Variants in C8orf76 observed in about 807,000 individuals in gnomAD.
The protein encoded by C8orf76 is chromosome 8 open reading frame 76, also known as uncharacterized protein C8orf76.
A neutral mutation model predicts 38.1 loss-of-function variants in C8orf76; 46 were observed. The ratio of observed to expected loss-of-function variants is 1.21; its 90% CI spans 0.95 to 1.54. The LOEUF is 1.54. C8orf76 is among the 40% of genes most tolerant of loss of function. The probability of loss-of-function intolerance (pLI) is 0.00; values close to 1 mark genes in which losing one functional copy is unlikely to be tolerated. For missense variants in C8orf76, 461 were observed against 441.6 expected (o/e 1.04, Z -0.39); for synonymous variants, 166 against 167.5 (o/e 0.99, Z 0.07).
At chr8:123,227,948 AACTTGCTTTCTGCCCTCTGGATAT>A (rs1339913599) in intron 4 of C8orf76, among the ~76,000 whole-genome samples, 1 of 152,056 alleles carries the variant, frequency 6.6e-6, no homozygotes, top group African/African-American at 2.4e-5. Flanking sequence ...CCTTTGATGT[AACTTGCTTTCTGCCCTCTGGATAT>A]ACTCCAGGCA....
intron 5 of C8orf76, among the ~76,000 whole-genome samples, chr8:123,220,657 T>C (rs1412242818): frequency 6.6e-6 from 1 of 152,230 alleles, no homozygotes; most frequent in Admixed American, 6.5e-5. Context: ...GAGCATATTC[T>C]GTTGGTGAGA....
At chr8:123,226,405 G>A (rs1273679208) in intron 5 of C8orf76, 95 bp downstream of exon 5, 1 of 1,548,192 alleles carries the variant, frequency 6.5e-7, no homozygotes, top group African/African-American at 1.4e-5. Context: ...TCCTTCAGTA[G>A]ATTAAATTTG....
chr8:123,230,690 C>T (rs1227619896), intron 4 of C8orf76, among the ~76,000 whole-genome samples: 7 of 148,656 alleles, frequency 4.7e-5, no homozygotes, highest in South Asian at 4.2e-4. Flanking sequence ...CTTGCCCTGT[C>T]GCCAGGCTGG....
intron 5 of C8orf76, among the ~76,000 whole-genome samples, chr8:123,220,927 G>A (rs1185685853): frequency 4.6e-5 from 7 of 152,152 alleles, no homozygotes; most frequent in African/African-American, 1.7e-4. Flanking sequence ...GACTGACCTT[G>A]GGTAATGACA....
intron 3 of C8orf76, chr8:123,236,908 C>A: frequency 8.3e-7 from 1 of 1,203,514 alleles, no homozygotes; most frequent in South Asian, 1.2e-5. Flanking sequence ...AGATCGAGCC[C>A]AGCAACGCCA....
At position 123,226,604 on chromosome 8, in the gene C8orf76, G is replaced by T; in HGVS notation, c.844C>A (p.Gln282Lys). 1 of 1,606,664 alleles carries T rather than the reference G, an allele frequency of 6.2e-7. No homozygotes were observed. Reference sequence around the variant, plus strand: ...TTCCTCTCCAAAGCAAACGATGTTTGCTGAGGTTGGGTAAACTGAAGCAGA... The same window carrying T: ...TTCCTCTCCAAAGCAAACGATGTTTTCTGAGGTTGGGTAAACTGAAGCAGA... ...RLLLQFTQPQ[Q>K]TSFALERNLR... Residue 282 changes from glutamine to lysine, a missense_variant, in exon 5 of 6, where the codon CAA becomes AAA. Transcript: ENST00000276704.
chr8:123,237,905 A>ATG lies in C8orf76; in HGVS notation c.249_250insCA (p.Leu84HisfsTer9). On this transcript the variant is annotated frameshift_variant, in exon 3 of 6. Coordinates refer to ENST00000276704, the MANE Select transcript of C8orf76 (RefSeq NM_032847.3). LOFTEE classifies it high-confidence loss of function. ...TTCATGGCAAAATTGGTTGATGACA[A>ATG]TTTTTCAGAGATACTGGAATACTCC... 2 of 1,613,888 alleles carry ATG rather than the reference A, an allele frequency of 1.2e-6. No homozygotes were observed. The highest frequency in any genetic ancestry group is 1.7e-6 in the Non-Finnish European group (2 of 1,179,944).
chr8:123,222,268 G>A (rs1223032620), intron 5 of C8orf76, among the ~76,000 whole-genome samples: 3 of 152,164 alleles, frequency 2.0e-5, no homozygotes, highest in East Asian at 1.9e-4. Context: ...ACGGGCGTGC[G>A]CCACCGCGCC....
In C8orf76 at chr8:123,231,372, C is replaced by A; in HGVS notation, c.743G>T (p.Cys248Phe). 1 of 1,614,150 alleles carries A rather than the reference C, an allele frequency of 6.2e-7. No individual in the cohort carries two copies. Among genetic ancestry groups the A allele is most frequent in the African/African-American group, 1.3e-5 (1 of 75,036 alleles). Residue 248 changes from cysteine to phenylalanine, a missense_variant, in exon 4 of 6, where the codon TGT becomes TTT. Transcript: ENST00000276704. ...CACTGTTTCTCTCTTTTCTGCCATA[C>A]AGTTTTGGATATTTGTCAGAGCTTT... ...NEKALTNIQN[C>F]MAEKRETVLI...
At chr8:123,230,014 CA>C (rs1003105414) in intron 4 of C8orf76, among the ~76,000 whole-genome samples, 22 of 148,096 alleles carry the variant, frequency 1.5e-4, no homozygotes, top group Admixed American at 4.1e-4. Context: ...AACTCCGTCT[CA>C]AAAAAAAAAT....
rs550859578 is a variant in C8orf76, at chr8:123,226,158, T to C, written c.948+342A>G. 1.1e-5 allele frequency: 12 copies of C among 1,086,344 alleles called. No individual in the cohort carries two copies. The South Asian group carries it at 2.3e-4, about 21-fold the overall frequency. 67.3% of individuals were successfully genotyped at this position (1,086,344 alleles called of 1,614,324 possible). On this transcript the variant is annotated intron_variant, in intron 5 of 5. Transcript: ENST00000276704. ...CAACTTCACAAGCTGTTATGATGAA[T>C]GGAGGAAAAAAAATAGAACTGCTAC...
intron 1 of C8orf76, among the ~76,000 whole-genome samples, chr8:123,240,583 A>G (rs1370992517): frequency 6.6e-6 from 1 of 152,170 alleles, no homozygotes; most frequent in Admixed American, 6.5e-5. Context: ...AAAAACTGTT[A>G]GGCACTGCCA....
At chr8:123,226,355 T>C (rs1356299872) in intron 5 of C8orf76, 145 bp downstream of exon 5, 37 of 1,487,828 alleles carry the variant, frequency 2.5e-5, no homozygotes, top group Non-Finnish European at 3.2e-5. Context: ...GCCTTGGTGA[T>C]TGCTGAGTGA....
At chr8:123,239,295 T>A in intron 1 of C8orf76, 151 bp from the exon 2 acceptor site, 1 of 739,774 alleles carries the variant, frequency 1.4e-6, no homozygotes, top group Non-Finnish European at 2.1e-6. Context: ...TGAGCACAAG[T>A]GATCCTGCCT....
chr8:123,228,672 C>A (rs1319622658), intron 4 of C8orf76, among the ~76,000 whole-genome samples: 2 of 151,882 alleles, frequency 1.3e-5, no homozygotes, highest in Non-Finnish European at 2.9e-5. Flanking sequence ...GGTCTTATCA[C>A]ATGCTCCTGT....
Position 123,235,470 on chromosome 8 carries a change from A to G in C8orf76, c.357+2328T>C, listed in dbSNP as rs562937073. Reference sequence around the variant, plus strand: ...GGTCCTCAGGTAGAGAAGAAATTTTAAAAAACAAAACAAAACACAGCTTAC... The same window carrying G: ...GGTCCTCAGGTAGAGAAGAAATTTTGAAAAACAAAACAAAACACAGCTTAC... On this transcript the variant is annotated intron_variant, in intron 3 of 5. Transcript: ENST00000276704. Among the ~76,000 whole-genome samples, 7 of 152,360 alleles carry G rather than the reference A, an allele frequency of 4.6e-5. No homozygotes were observed. In the South Asian group the frequency reaches 1.2e-3, roughly 27 times the overall value.
chr8:123,228,615 G>A lies in C8orf76; in HGVS notation c.816-1983C>T, dbSNP rs187583203. On this transcript the variant is annotated intron_variant, in intron 4 of 5. Coordinates refer to ENST00000276704, the MANE Select transcript of C8orf76 (RefSeq NM_032847.3). ...ACCTGGGCAACAAGAGTGAAACTCC[G>A]TCTCAAAAAAAAAAACACCAAAACC... 6.5e-3 allele frequency among the ~76,000 whole-genome samples: 973 copies of A among 150,382 alleles called. 17 individuals carry two copies. The highest frequency in any genetic ancestry group is 0.023 in the African/African-American group (935 of 40,920).
intron 4 of C8orf76, among the ~76,000 whole-genome samples, chr8:123,227,987 C>T (rs934606540): frequency 2.6e-5 from 4 of 152,076 alleles, no homozygotes; most frequent in Non-Finnish European, 4.4e-5. Context: ...CAGGCACCCG[C>T]GACTCGGTAC....
intron 3 of C8orf76, among the ~76,000 whole-genome samples, chr8:123,236,204 G>A (rs1427175237): frequency 2.6e-5 from 4 of 152,176 alleles, no homozygotes; most frequent in African/African-American, 7.2e-5. Flanking sequence ...TAATGAGATG[G>A]CAGATGTCAG....
Sources: allele counts gnomAD v4.1 joint callset (sites outside exome capture counted in the v4.1 genomes callset), GRCh38; gene constraint gnomAD v4.1.1; transcripts MANE v1.5; gene names NCBI Gene and HGNC (gene_info 2026-07-23, HGNC 2026-07-21).